Variants in PHEX observed in about 807,000 individuals in gnomAD.
The protein encoded by PHEX is phosphate-regulating neutral endopeptidase PHEX.
Under a neutral mutation model 68.0 loss-of-function variants are expected in PHEX, and 16 were observed. That is an observed-to-expected ratio of 0.24 (90% CI 0.16 to 0.36). PHEX has a LOEUF of 0.36. Among genes scored for constraint, PHEX ranks in the 10% least tolerant of loss-of-function variants. PHEX has a pLI of 1.00. For missense variants in PHEX, 480 were observed against 575.5 expected (o/e 0.83, Z 1.70); for synonymous variants, 208 against 205.1 (o/e 1.01, Z -0.12).
intron 2 of PHEX, among the ~76,000 whole-genome samples, chrX:22,044,582 G>A (rs975988923): frequency 1.8e-5 from 2 of 109,279 alleles, no homozygotes; most frequent in Non-Finnish European, 3.8e-5. Context: ...GCGTGGTGGC[G>A]GGTGCCTGTA....
At chrX:22,038,045 T>C (rs1927101849) in intron 1 of PHEX, among the ~76,000 whole-genome samples, 1 of 110,938 alleles carries the variant, frequency 9.0e-6, no homozygotes, top group Non-Finnish European at 1.9e-5. Context: ...TCTCGCCCAG[T>C]GGTGCTCATA....
At chrX:22,070,391 A>C (rs898159877) in intron 3 of PHEX, among the ~76,000 whole-genome samples, 1 of 112,125 alleles carries the variant, frequency 8.9e-6, no homozygotes, top group South Asian at 3.7e-4. Flanking sequence ...TTTAGAATGC[A>C]GTTGCTGGCC....
At chrX:22,132,205 T>C (rs1932037798) in intron 11 of PHEX, among the ~76,000 whole-genome samples, 1 of 111,605 alleles carries the variant, frequency 9.0e-6, no homozygotes. Context: ...GCTCAAGTGA[T>C]CTTCCTGCCT....
intron 8 of PHEX, chrX:22,097,702 A>G: frequency 1.4e-6 from 1 of 699,977 alleles, no homozygotes; most frequent in Non-Finnish European, 1.7e-6. Context: ...AATCTAAAAA[A>G]CACCATATGG....
chrX:22,244,642 A>G (rs937280125), intron 20 of PHEX, among the ~76,000 whole-genome samples: 3 of 111,329 alleles, frequency 2.7e-5, no homozygotes, highest in African/African-American at 9.8e-5. Context: ...TTTAGAGTCT[A>G]TATCTTGGCA....
intron 1 of PHEX, among the ~76,000 whole-genome samples, chrX:22,034,252 G>A (rs1287402230): frequency 8.9e-6 from 1 of 112,015 alleles, no homozygotes; most frequent in East Asian, 2.8e-4. Context: ...AAAATTCTAT[G>A]GGCATGCCAA....
intron 18 of PHEX, among the ~76,000 whole-genome samples, chrX:22,222,952 T>C (rs984315017): frequency 8.9e-6 from 1 of 112,028 alleles, no homozygotes. Context: ...GCTGAGGTTC[T>C]TATTTTAAGT....
chrX:22,198,002 C>G (rs190545119), intron 15 of PHEX, among the ~76,000 whole-genome samples: 8 of 105,492 alleles, frequency 7.6e-5, no homozygotes, highest in Admixed American at 7.4e-4. Flanking sequence ...TATTTAATAT[C>G]TAATGTTATC....
At chrX:22,160,889 T>G (rs1933100939) in intron 12 of PHEX, among the ~76,000 whole-genome samples, 1 of 111,276 alleles carries the variant, frequency 9.0e-6, no homozygotes. Context: ...ATCCCAGCAC[T>G]TTGGGAGGCT....
intron 3 of PHEX, among the ~76,000 whole-genome samples, chrX:22,065,477 G>A (rs1928552822): frequency 9.0e-6 from 1 of 111,024 alleles, no homozygotes; most frequent in Non-Finnish European, 1.9e-5. Flanking sequence ...CCAGGCTGGA[G>A]TGCTGTGGCA....
intron 20 of PHEX, among the ~76,000 whole-genome samples, chrX:22,235,770 TAATA>T (rs200643261): frequency 0.036 from 4,022 of 111,533 alleles, 180 homozygotes; most frequent in African/African-American, 0.12. Context: ...GGCATAATCT[TAATA>T]AATATCCTCT....
Position 22,226,491 on chromosome X carries a change from C to G in PHEX, c.1948C>G (p.Leu650Val). ...LGENIADNGG[L>V]REAFRAYRKW... is the part of the protein sequence containing the mutation. ...AGAAAATATTGCTGATAATGGAGGC[C>G]TGCGGGAAGCTTTTAGGGTATGCGC... The change falls in exon 19 of 22, where the codon CTG becomes GTG. Residue 650 changes from leucine (L) to valine (V), a missense_variant. Coordinates refer to ENST00000379374, the MANE Select transcript of PHEX (RefSeq NM_000444.6). 8.3e-7 allele frequency: 1 copy of G among 1,203,786 alleles called. No individual in the cohort carries two copies. Among genetic ancestry groups the G allele is most frequent in the Non-Finnish European group, 1.1e-6 (1 of 889,447 alleles).
At chrX:22,162,715 A>C (rs1933177357) in intron 12 of PHEX, 1 of 112,188 alleles carries the variant, frequency 8.9e-6, no homozygotes. Context: ...CTAATGGAAA[A>C]CATGACACAT....
chrX:22,122,628 T>A (rs887907303), intron 11 of PHEX, among the ~76,000 whole-genome samples: 1 of 112,018 alleles, frequency 8.9e-6, no homozygotes, highest in Non-Finnish European at 1.9e-5. Context: ...AAAGCCTCAC[T>A]GGCATTTGAC....
intron 15 of PHEX, among the ~76,000 whole-genome samples, chrX:22,203,943 A>G (rs1185183307): frequency 2.7e-5 from 3 of 111,602 alleles, no homozygotes; most frequent in Non-Finnish European, 5.6e-5. Flanking sequence ...ACCTGTTTTC[A>G]TAGTCGAATC....
In PHEX at chrX:22,114,426, G is replaced by A. The variant is rs1205103531; in HGVS notation, c.1174-32G>A. 7 of 1,192,732 alleles carry A rather than the reference G, an allele frequency of 5.9e-6. No homozygotes were observed. In the Admixed American group the frequency reaches 1.5e-4, roughly 26 times the overall value. ...TTTCAGCCATGGGTTTTATCCAAATGAAGTTTAATCTGGATCAATTATCTC... is the reference window on the plus strand; with the variant it reads ...TTTCAGCCATGGGTTTTATCCAAATAAAGTTTAATCTGGATCAATTATCTC... On this transcript the variant is annotated intron_variant, in intron 10 of 21. Transcript: ENST00000379374.
chrX:22,119,404 TTGA>T (rs1931385692), intron 11 of PHEX, among the ~76,000 whole-genome samples: 1 of 111,231 alleles, frequency 9.0e-6, no homozygotes, highest in African/African-American at 3.3e-5. Context: ...CCCTAGAGAA[TTGA>T]TGATATATCA....
chrX:22,166,661 G>A (rs1602352491), intron 12 of PHEX, among the ~76,000 whole-genome samples: 1 of 110,431 alleles, frequency 9.1e-6, no homozygotes, highest in South Asian at 3.9e-4. Context: ...TACTCCCTTA[G>A]CCATTTTCTA....
chrX:22,215,583 C>T lies in PHEX; in HGVS notation c.1700+2625C>T, dbSNP rs185511845. Reference sequence around the variant, plus strand: ...CCATGAAATAGTAATAGAGGTAAGACATCCTCCCCTCCCTTCAGTTTTGGG... The same window carrying T: ...CCATGAAATAGTAATAGAGGTAAGATATCCTCCCCTCCCTTCAGTTTTGGG... On this transcript the variant is annotated intron_variant, in intron 16 of 21. Coordinates refer to ENST00000379374, the MANE Select transcript of PHEX (RefSeq NM_000444.6). Among the ~76,000 whole-genome samples the T allele has an allele frequency of 2.6e-3, 292 of 111,612 alleles. 2 individuals are homozygous for T. Among genetic ancestry groups the T allele is most frequent in the Middle Eastern group, 4.6e-3 (1 of 218 alleles).
Sources: allele counts gnomAD v4.1 joint callset (sites outside exome capture counted in the v4.1 genomes callset), GRCh38; gene constraint gnomAD v4.1.1; transcripts MANE v1.5; gene names NCBI Gene and HGNC (gene_info 2026-07-23, HGNC 2026-07-21).